ARHGAP6: variants seen among roughly 807,000 people sequenced by gnomAD.
ARHGAP6 encodes Rho GTPase activating protein 6, also known as rho GTPase-activating protein 6.
ARHGAP6 carries 16 observed loss-of-function variants against 55.7 expected under a neutral mutation model. The ratio of observed to expected loss-of-function variants is 0.29; its 90% CI spans 0.19 to 0.44. ARHGAP6 has a LOEUF of 0.44. Among genes scored for constraint, ARHGAP6 ranks in the 20% least tolerant of loss-of-function variants. The pLI, the probability that ARHGAP6 is intolerant of heterozygous loss-of-function variation, is 1.00. For missense variants in ARHGAP6, 698 were observed against 808.9 expected, an observed-to-expected ratio of 0.86 and a Z score of 1.66; for synonymous variants, 382 against 360.9, an observed-to-expected ratio of 1.06 and a Z score of -0.66.
At chrX:11,306,616 T>C (rs1452505384) in intron 1 of ARHGAP6, among the ~76,000 whole-genome samples, 1 of 112,646 alleles carries the variant, frequency 8.9e-6, no homozygotes, top group Non-Finnish European at 1.9e-5. Context: ...AACAAGAAGT[T>C]AGGCTCTTTT....
chrX:11,522,410 A>G (rs1418626225), intron 1 of ARHGAP6, among the ~76,000 whole-genome samples: 4 of 111,679 alleles, frequency 3.6e-5, no homozygotes, highest in Admixed American at 9.6e-5. Context: ...GGAGATAGAG[A>G]CACAAAAAAC....
In ARHGAP6 at chrX:11,494,940, G is replaced by A. The variant is rs996229017; in HGVS notation, c.588+169301C>T. The stretch of plus-strand genomic sequence containing the variant: ...ACTTTTGTTTGAAGAAGTACAAAAA[G>A]AAAAACATTTACAGATAAGAGATTT... On this transcript the variant is annotated intron_variant, in intron 1 of 12. Transcript: ENST00000337414. 4.5e-5 allele frequency among the ~76,000 whole-genome samples: 5 copies of A among 112,097 alleles called. No individual in the cohort carries two copies. In the East Asian group the frequency reaches 1.4e-3, roughly 31 times the overall value.
At chrX:11,166,458 A>G (rs1489228028) in intron 9 of ARHGAP6, among the ~76,000 whole-genome samples, 1 of 112,069 alleles carries the variant, frequency 8.9e-6, no homozygotes, top group Non-Finnish European at 1.9e-5. Context: ...TCAGGCCCTG[A>G]CTAGCTTCAT....
chrX:11,521,043 A>G (rs1309029784), intron 1 of ARHGAP6, among the ~76,000 whole-genome samples: 1 of 110,996 alleles, frequency 9.0e-6, no homozygotes, highest in Non-Finnish European at 1.9e-5. Context: ...AGTTCTTTGT[A>G]GATTCTGGAT....
At chrX:11,439,348 C>T (rs1210752297) in intron 1 of ARHGAP6, among the ~76,000 whole-genome samples, 4 of 111,907 alleles carry the variant, frequency 3.6e-5, no homozygotes, top group African/African-American at 1.3e-4. Context: ...TAAATAAAGT[C>T]TTCTTGGAAC....
intron 1 of ARHGAP6, among the ~76,000 whole-genome samples, chrX:11,557,689 A>T (rs1456940834): frequency 8.9e-6 from 1 of 112,288 alleles, no homozygotes; most frequent in Non-Finnish European, 1.9e-5. Flanking sequence ...AGCACAAAGA[A>T]CTTCATCCAT....
At chrX:11,541,326 G>A (rs1337962721) in intron 1 of ARHGAP6, among the ~76,000 whole-genome samples, 1 of 111,344 alleles carries the variant, frequency 9.0e-6, no homozygotes, top group African/African-American at 3.3e-5. Context: ...GGGGTGTAGG[G>A]TCCATCTCTA....
chrX:11,382,371 A>T (rs1356289877), intron 1 of ARHGAP6, among the ~76,000 whole-genome samples: 1 of 111,578 alleles, frequency 9.0e-6, no homozygotes, highest in Non-Finnish European at 1.9e-5. Flanking sequence ...TAATTGTTAT[A>T]TTAATAATAA....
intron 10 of ARHGAP6, among the ~76,000 whole-genome samples, chrX:11,152,413 ATCTATTGTCACTGCTTC>A (rs2045795335): frequency 1.8e-5 from 2 of 111,837 alleles, no homozygotes; most frequent in Non-Finnish European, 3.8e-5. Context: ...CCTTACAGTA[ATCTATTGTCACTGCTTC>A]TTGACTTAAG....
At chrX:11,589,864 T>C (rs895034804) in intron 1 of ARHGAP6, among the ~76,000 whole-genome samples, 3 of 112,097 alleles carry the variant, frequency 2.7e-5, no homozygotes, top group Non-Finnish European at 5.6e-5. Flanking sequence ...ATCGCTAGCT[T>C]ATGAGAACCC....
chrX:11,530,179 C>T (rs1198356738), intron 1 of ARHGAP6, among the ~76,000 whole-genome samples: 3 of 111,197 alleles, frequency 2.7e-5, no homozygotes, highest in African/African-American at 6.5e-5. Flanking sequence ...TCCATTCATT[C>T]GTCATTCACA....
At chrX:11,641,313 G>A in intron 1 of ARHGAP6, among the ~76,000 whole-genome samples, 1 of 111,557 alleles carries the variant, frequency 9.0e-6, no homozygotes, top group Middle Eastern at 4.6e-3. Context: ...CTCTTCCCTT[G>A]CATAGAAGCA....
chrX:11,664,822 C>T lies in ARHGAP6; in HGVS notation c.7G>A (p.Ala3Thr), dbSNP rs772160289. The T allele has an allele frequency of 5.9e-6, 7 of 1,186,443 alleles. No individual in the cohort carries two copies. The East Asian group carries it at 2.1e-4, about 36-fold the overall frequency. Reference protein sequence around the residue: MSAQSLLHSVFSC... With the variant: MSTQSLLHSVFSC... ...AAGACGCTGTGGAGCAGGCTCTGCGCGGACATCTCGGCGGGGCTGCACCTG... is the reference window on the plus strand; with the variant it reads ...AAGACGCTGTGGAGCAGGCTCTGCGTGGACATCTCGGCGGGGCTGCACCTG... The change falls in exon 1 of 13, where the codon GCG becomes ACG. Residue 3 changes from alanine to threonine, a missense_variant. Coordinates refer to ENST00000337414, the MANE Select transcript of ARHGAP6 (RefSeq NM_013427.3).
rs192138966 is a variant in ARHGAP6, at chrX:11,373,070, C to A, written c.589-118363G>T. Among the ~76,000 whole-genome samples, 15 of 92,572 alleles carry A rather than the reference C, an allele frequency of 1.6e-4. No homozygotes were observed. In the East Asian group the frequency reaches 5.0e-3, roughly 31 times the overall value. The allele number at this position is 92,572 out of a possible 115,157, so 80.4% of individuals were successfully genotyped here. A position where few individuals can be genotyped will look rare whatever the true frequency, so the allele number is the denominator to read the frequency against. ...CTAAATTTTTAAATATGAATATTTT[C>A]TATTTTTTTCACACACACACACAAA... On this transcript the variant is annotated intron_variant, in intron 1 of 12. Transcript: ENST00000337414.
intron 10 of ARHGAP6, among the ~76,000 whole-genome samples, chrX:11,155,440 C>T (rs2147285199): frequency 9.0e-6 from 1 of 111,213 alleles, no homozygotes; most frequent in South Asian, 3.9e-4. Flanking sequence ...GCTGGGATTA[C>T]AGGCACCTGT....
chrX:11,326,966 G>A (rs2048507482), intron 1 of ARHGAP6, among the ~76,000 whole-genome samples: 1 of 111,549 alleles, frequency 9.0e-6, no homozygotes, highest in South Asian at 3.7e-4. Flanking sequence ...CTGATTTCAT[G>A]ATAAGTACAC....
intron 1 of ARHGAP6, among the ~76,000 whole-genome samples, chrX:11,523,156 C>T (rs2147880565): frequency 8.9e-6 from 1 of 111,842 alleles, no homozygotes; most frequent in Admixed American, 9.5e-5. Context: ...TCAATAGATG[C>T]AGAAAAGGCC....
At chrX:11,242,863 G>T (rs2047302782) in intron 2 of ARHGAP6, among the ~76,000 whole-genome samples, 1 of 111,441 alleles carries the variant, frequency 9.0e-6, no homozygotes, top group South Asian at 3.8e-4. Flanking sequence ...CCTGCCAGTT[G>T]CTCCCATGAA....
chrX:11,152,475 C>T (rs2045796636), intron 10 of ARHGAP6, among the ~76,000 whole-genome samples: 1 of 111,860 alleles, frequency 8.9e-6, no homozygotes, highest in Admixed American at 9.5e-5. Context: ...AGGGCTTCTA[C>T]CTTCACTGCT....
Sources: allele counts gnomAD v4.1 joint callset (sites outside exome capture counted in the v4.1 genomes callset), GRCh38; gene constraint gnomAD v4.1.1; transcripts MANE v1.5; gene names NCBI Gene and HGNC (gene_info 2026-07-23, HGNC 2026-07-21).